Variants in MYO7A observed in about 807,000 individuals in gnomAD.
The protein encoded by MYO7A is unconventional myosin-VIIa.
Under a neutral mutation model 263.8 loss-of-function variants are expected in MYO7A, and 210 were observed. The ratio of observed to expected loss-of-function variants is 0.80; its 90% CI spans 0.71 to 0.89. The LOEUF is 0.89. Among genes scored for constraint, MYO7A ranks in the 40% least tolerant of loss-of-function variants. The probability of loss-of-function intolerance (pLI) is 0.00; values close to 1 mark genes in which losing one functional copy is unlikely to be tolerated. For missense variants in MYO7A, 2,820 were observed against 2,968.3 expected (o/e 0.95, Z 1.16); for synonymous variants, 1,239 against 1,197.3 (o/e 1.03, Z -0.72).
Position 77,183,009 on chromosome 11 carries a change from G to C in MYO7A, c.3286-59G>C, listed in dbSNP as rs1453655543. 3 of 1,405,188 alleles carry C rather than the reference G, an allele frequency of 2.1e-6. No individual in the cohort carries two copies. In the East Asian group the frequency reaches 7.5e-5, roughly 35 times the overall value. 87.0% of individuals were successfully genotyped at this position (1,405,188 alleles called of 1,614,324 possible). A position where few individuals can be genotyped will look rare whatever the true frequency, so the allele number is the denominator to read the frequency against. ...GGTTCCCCGCAAAGTCTTGCTGTCGGGGGTCTCGACATTGCTTTCTGCTCA... is the reference window on the plus strand; with the variant it reads ...GGTTCCCCGCAAAGTCTTGCTGTCGCGGGTCTCGACATTGCTTTCTGCTCA... On this transcript the variant is annotated intron_variant, in intron 25 of 48. Coordinates refer to ENST00000409709, the MANE Select transcript of MYO7A (RefSeq NM_000260.4).
chr11:77,171,336 C>T (rs1247696280), intron 15 of MYO7A, among the ~76,000 whole-genome samples: 1 of 152,200 alleles, frequency 6.6e-6, no homozygotes, highest in African/African-American at 2.4e-5. Context: ...CAGCTCCCCT[C>T]CAGTGACCGG....
At chr11:77,142,935 C>A in intron 3 of MYO7A, 113 bp downstream of exon 3, 1 of 859,806 alleles carries the variant, frequency 1.2e-6, no homozygotes, top group Non-Finnish European at 1.9e-6. Flanking sequence ...CCCATGCCCC[C>A]ACTTCTGCCT....
intron 4 of MYO7A, among the ~76,000 whole-genome samples, chr11:77,153,613 C>T (rs1339844399): frequency 2.0e-5 from 3 of 152,194 alleles, no homozygotes; most frequent in Non-Finnish European, 4.4e-5. Flanking sequence ...CTCCCTCCAT[C>T]GGGCTCTGAC....
At chr11:77,208,644 G>A in intron 43 of MYO7A, 53 bp from the exon 44 acceptor site, 1 of 1,511,710 alleles carries the variant, frequency 6.6e-7, no homozygotes, top group Non-Finnish European at 9.0e-7. Flanking sequence ...CTCGGGACGT[G>A]AGCACTCCTC....
intron 20 of MYO7A, 73 bp downstream of exon 20, chr11:77,179,202 T>C: frequency 7.4e-7 from 1 of 1,342,438 alleles, no homozygotes; most frequent in Non-Finnish European, 1.0e-6. Context: ...GCAGTGGGAC[T>C]GGCCTGCACC....
At chr11:77,184,537 G>A (rs1555087048) in intron 26 of MYO7A, 51 bp from the exon 27 acceptor site, 3 of 1,495,148 alleles carry the variant, frequency 2.0e-6, no homozygotes, top group Admixed American at 2.0e-5. Context: ...GCCCTGGCTG[G>A]CAGGGGAACA....
At chr11:77,171,185 G>A (rs183705629) in intron 15 of MYO7A, among the ~76,000 whole-genome samples, 3 of 152,318 alleles carry the variant, frequency 2.0e-5, no homozygotes, top group South Asian at 2.1e-4. Flanking sequence ...GTGTGTACAC[G>A]CGGTGGTATG....
Position 77,182,436 on chromosome 11 carries a change from G to T in MYO7A, c.3121G>T (p.Val1041Phe), listed in dbSNP as rs782039748. ...CGCTCTGCCCCAGGCAGCCCTGGCG[G>T]TCTGGATCACCATCCTCCGCTTCAT... ...DEGDQLAALA[V>F]WITILRFMGD... The change falls in exon 25 of 49, where the codon GTC becomes TTC. Residue 1041 changes from valine to phenylalanine, a missense_variant. Transcript: ENST00000409709. 6.2e-7 allele frequency: 1 copy of T among 1,606,112 alleles called. No individual in the cohort carries two copies. The highest frequency in any genetic ancestry group is 2.2e-5 in the East Asian group (1 of 44,868).
In MYO7A at chr11:77,138,286, T is replaced by TGCCGCCGTCGCCGTCGCAGC. The variant is rs1183646680; in HGVS notation, c.19-4419_19-4400dup. Among the ~76,000 whole-genome samples, 11,487 of 151,576 alleles carry TGCCGCCGTCGCCGTCGCAGC rather than the reference T, an allele frequency of 0.076. 586 individuals are homozygous for TGCCGCCGTCGCCGTCGCAGC. Among genetic ancestry groups the TGCCGCCGTCGCCGTCGCAGC allele is most frequent in the East Asian group, 0.2 (1,040 of 5,098 alleles). On this transcript the variant is annotated intron_variant, in intron 2 of 48. Coordinates refer to ENST00000409709, the MANE Select transcript of MYO7A (RefSeq NM_000260.4). The surrounding 1 kb of genome is among the most constrained non-coding windows in gnomAD (Gnocchi z 4.9). ...TAGGTGAATTAGGGAGCCGGAGCAG[T>TGCCGCCGTCGCCGTCGCAGC]GCCGCCGTCGCCGTCGCAGCGCCAT...
rs546143111 is a variant in MYO7A at position 77,200,112 on chromosome 11, G to T, written c.4852+294G>T. ...AGTGAGACCCTCGTCTCTACAAAAGGTTAAATAAATTAGCTGGGTGTGGTG... is the reference window on the plus strand; with the variant it reads ...AGTGAGACCCTCGTCTCTACAAAAGTTTAAATAAATTAGCTGGGTGTGGTG... On this transcript the variant is annotated intron_variant, in intron 35 of 48. Coordinates refer to ENST00000409709, the MANE Select transcript of MYO7A (RefSeq NM_000260.4). Among the ~76,000 whole-genome samples, 11 of 152,016 alleles carry T rather than the reference G, an allele frequency of 7.2e-5. No individual in the cohort carries two copies. In the South Asian group the frequency reaches 2.1e-3, roughly 29 times the overall value.
intron 27 of MYO7A, chr11:77,185,014 A>G (rs1241276620): frequency 1.8e-6 from 1 of 564,580 alleles, no homozygotes; most frequent in Non-Finnish European, 3.2e-6. Flanking sequence ...TTCCCAGTGC[A>G]TATAAAAGTC....
Position 77,138,359 on chromosome 11 carries a change from G to T in MYO7A, c.19-4350G>T, listed in dbSNP as rs968414959. On this transcript the variant is annotated intron_variant, in intron 2 of 48. Coordinates refer to ENST00000409709, the MANE Select transcript of MYO7A (RefSeq NM_000260.4). This position sits in a 1 kb window ranked among gnomAD's most constrained non-coding sequence, Gnocchi z 4.9. ...GACCCCGCGCGCATCCCGCAGCCCG[G>T]CAAGTGGGCGCTGGTGCGCAGCCTG... is the stretch of plus-strand genomic sequence containing the variant. Among the ~76,000 whole-genome samples the T allele has an allele frequency of 1.3e-5, 2 of 151,654 alleles. No individual in the cohort carries two copies. The highest frequency in any genetic ancestry group is 4.8e-5 in the African/African-American group (2 of 41,296).
rs572972930 is a variant in MYO7A at position 77,181,938 on chromosome 11, T to G, written c.2905-13T>G. The G allele has an allele frequency of 6.2e-7, 1 of 1,612,548 alleles. No individual in the cohort carries two copies. Among genetic ancestry groups the G allele is most frequent in the East Asian group, 2.2e-5 (1 of 44,840 alleles). Reference sequence around the variant, plus strand: ...TAGCTGGGACTCCAGGGCATACCTCTTGTCTCCTTCAGGACCTGGAGCGAG... The same window carrying G: ...TAGCTGGGACTCCAGGGCATACCTCGTGTCTCCTTCAGGACCTGGAGCGAG... On this transcript the variant is annotated splice_polypyrimidine_tract_variant and intron_variant, in intron 23 of 48. Coordinates refer to ENST00000409709, the MANE Select transcript of MYO7A (RefSeq NM_000260.4).
Position 77,210,950 on chromosome 11 carries a change from G to A in MYO7A, c.6052-202G>A. The A allele has an allele frequency of 1.3e-5, 7 of 551,052 alleles. No homozygotes were observed. The South Asian group carries it at 1.7e-4, about 13-fold the overall frequency. 34.1% of individuals were successfully genotyped at this position (551,052 alleles called of 1,614,324 possible). A position where few individuals can be genotyped will look rare whatever the true frequency, so the allele number is the denominator to read the frequency against. ...CCATGCACTCCAACTGCCAACTGCTGAGTCTGTGCAGGCAGACTTGCTCTG... is the reference window on the plus strand; with the variant it reads ...CCATGCACTCCAACTGCCAACTGCTAAGTCTGTGCAGGCAGACTTGCTCTG... On this transcript the variant is annotated intron_variant, in intron 44 of 48. Coordinates refer to ENST00000409709, the MANE Select transcript of MYO7A (RefSeq NM_000260.4).
At chr11:77,189,983 GC>G in intron 28 of MYO7A, 36 bp from the exon 29 acceptor site, 1 of 1,484,962 alleles carries the variant, frequency 6.7e-7, no homozygotes, top group Non-Finnish European at 9.0e-7. Flanking sequence ...CACATGGGGA[GC>G]CCCAGGGGCC....
intron 1 of MYO7A, 89 bp from the exon 2 acceptor site, chr11:77,130,500 C>A: frequency 2.1e-6 from 2 of 973,492 alleles, no homozygotes; most frequent in South Asian, 1.5e-5. Flanking sequence ...GGAGCTGGGG[C>A]TTTGGGAGGA....
rs1484152449 is a variant in MYO7A, at chr11:77,190,884, G to T, written c.3924+14G>T. ...CTGTTTGACAAGGTATGGCCGCCCG[G>T]AAGCACCTCCTCCCGGAAGCACCTC... On this transcript the variant is annotated intron_variant, in intron 30 of 48. Transcript: ENST00000409709. 6.5e-7 allele frequency: 1 copy of T among 1,533,300 alleles called. No individual in the cohort carries two copies. 95.0% of individuals were successfully genotyped at this position (1,533,300 alleles called of 1,614,324 possible).
At chr11:77,211,678 T>TGTCCTA in intron 45 of MYO7A, 143 bp from the exon 46 acceptor site, 1 of 647,834 alleles carries the variant, frequency 1.5e-6, no homozygotes, top group Non-Finnish European at 2.7e-6. Context: ...CCAGGTCTGC[T>TGTCCTA]GTCCTAGTCC....
intron 40 of MYO7A, among the ~76,000 whole-genome samples, chr11:77,205,866 C>T (rs1957415240): frequency 6.6e-6 from 1 of 152,174 alleles, no homozygotes; most frequent in South Asian, 2.1e-4. Flanking sequence ...CCTGGGCCCA[C>T]TTCATACTCT....
Sources: allele counts gnomAD v4.1 joint callset (sites outside exome capture counted in the v4.1 genomes callset), GRCh38; gene constraint gnomAD v4.1.1; non-coding constraint Gnocchi (gnomAD v3.1); transcripts MANE v1.5; gene names NCBI Gene and HGNC (gene_info 2026-07-23, HGNC 2026-07-21).